COL14A1: variants seen among roughly 807,000 people sequenced by gnomAD.
The protein encoded by COL14A1 is collagen type XIV alpha 1 chain.
A neutral mutation model predicts 230.3 loss-of-function variants in COL14A1; 136 were observed. The ratio of observed to expected loss-of-function variants is 0.59; its 90% CI spans 0.51 to 0.68. The LOEUF is 0.68. COL14A1 is among the 30% of genes least tolerant of loss of function. The pLI is 0.00. For synonymous variants in COL14A1, 792 were observed against 784.1 expected (o/e 1.01, Z -0.17); for missense variants, 1,976 against 2,215.8 (o/e 0.89, Z 2.17).
chr8:120,229,262 TC>T (rs1455580703), intron 18 of COL14A1, among the ~76,000 whole-genome samples: 1 of 47,422 alleles, frequency 2.1e-5, no homozygotes, highest in Non-Finnish European at 3.7e-5. Context: ...CCCTCCCCCC[TC>T]CCCCCACCCC....
intron 25 of COL14A1, among the ~76,000 whole-genome samples, chr8:120,269,774 G>T (rs903612009): frequency 2.6e-5 from 4 of 151,718 alleles, no homozygotes; most frequent in Middle Eastern, 3.4e-3. Flanking sequence ...GGCTGTGGTT[G>T]GTGGACAGTT....
intron 1 of COL14A1, among the ~76,000 whole-genome samples, chr8:120,143,302 A>G (rs1290721661): frequency 6.6e-6 from 1 of 152,220 alleles, no homozygotes; most frequent in East Asian, 1.9e-4. Flanking sequence ...GACTGGGGGA[A>G]GTAGCATAAC....
At chr8:120,322,626 TGTAA>T (rs1432199277) in intron 40 of COL14A1, among the ~76,000 whole-genome samples, 2 of 152,218 alleles carry the variant, frequency 1.3e-5, no homozygotes, top group Non-Finnish European at 2.9e-5. Flanking sequence ...AGCTCCCACT[TGTAA>T]GTGAGAACAT....
In COL14A1 at chr8:120,250,766, T is replaced by C. The variant is rs1165128387; in HGVS notation, c.2752T>C (p.Leu918=). 3.1e-6 allele frequency: 5 copies of C among 1,613,568 alleles called. No individual in the cohort carries two copies. Among genetic ancestry groups the C allele is most frequent in the East Asian group, 2.2e-5 (1 of 44,892 alleles). ...CGCCCTGACAGGCATGGTGAAAACATGTAAGAGCCATTTCCGATGGCCTCA... is the reference window on the plus strand; with the variant it reads ...CGCCCTGACAGGCATGGTGAAAACACGTAAGAGCCATTTCCGATGGCCTCA... ...SDALTGMVKT[L]FLGVTNLQAK... is the part of the protein sequence containing the mutation. The change falls in exon 22 of 48, where the codon TTG becomes CTG. Residue 918 remains leucine (L), a splice_region_variant and synonymous_variant. Transcript: ENST00000297848.
Position 120,371,589 on chromosome 8 carries a change from G to A in COL14A1, c.*358G>A, listed in dbSNP as rs112348032. ...TGAACAAACAGATATGATTGTGTTT[G>A]AGGGAAATATGTCCCTAGCAGGAAA... is the stretch of plus-strand genomic sequence containing the variant. On this transcript the variant is annotated 3_prime_UTR_variant, in exon 48 of 48. Transcript: ENST00000297848. 6 of 398,330 alleles carry A rather than the reference G, an allele frequency of 1.5e-5. No homozygotes were observed. The highest frequency in any genetic ancestry group is 2.7e-5 in the Non-Finnish European group (6 of 225,846). 24.7% of individuals were successfully genotyped at this position (398,330 alleles called of 1,614,324 possible). A position where few individuals can be genotyped will look rare whatever the true frequency, so the allele number is the denominator to read the frequency against.
At chr8:120,196,747 GCT>G in intron 5 of COL14A1, 42 bp from the exon 6 acceptor site, 1 of 1,590,562 alleles carries the variant, frequency 6.3e-7, no homozygotes, top group South Asian at 1.1e-5. Flanking sequence ...TTTTGAAGTT[GCT>G]CTGACAGTAA....
At chr8:120,289,835 A>G in intron 34 of COL14A1, 69 bp downstream of exon 34, 1 of 1,482,154 alleles carries the variant, frequency 6.7e-7, no homozygotes, top group Non-Finnish European at 9.1e-7. Flanking sequence ...TACATTAGCT[A>G]TTTTCCAGGG....
intron 12 of COL14A1, among the ~76,000 whole-genome samples, chr8:120,211,651 C>T (rs1817618098): frequency 1.3e-5 from 2 of 152,080 alleles, no homozygotes; most frequent in African/African-American, 4.8e-5. Context: ...ATGGGTACAT[C>T]AGTGTGTATT....
chr8:120,263,544 T>C lies in COL14A1; in HGVS notation c.3016+530T>C, dbSNP rs1586815017. Among the ~76,000 whole-genome samples the C allele has an allele frequency of 2.0e-5, 3 of 152,302 alleles. No homozygotes were observed. In the South Asian group the frequency reaches 6.2e-4, roughly 32 times the overall value. Reference sequence around the variant, plus strand: ...AAATTAAAACAAAGCTCTTTTTACATGTTCCAAAGAGCAAGGAGAGTGTCA... The same window carrying C: ...AAATTAAAACAAAGCTCTTTTTACACGTTCCAAAGAGCAAGGAGAGTGTCA... On this transcript the variant is annotated intron_variant, in intron 24 of 47. Coordinates refer to ENST00000297848, the MANE Select transcript of COL14A1 (RefSeq NM_021110.4).
chr8:120,340,973 C>T (rs1036729924), intron 42 of COL14A1, among the ~76,000 whole-genome samples: 1 of 152,140 alleles, frequency 6.6e-6, no homozygotes, highest in South Asian at 2.1e-4. Context: ...TATGAAGGAT[C>T]CTCAGTAGAA....
intron 1 of COL14A1, among the ~76,000 whole-genome samples, chr8:120,134,726 G>C (rs1305674194): frequency 1.3e-5 from 2 of 152,176 alleles, no homozygotes; most frequent in African/African-American, 4.8e-5. Context: ...TGTAATCCCA[G>C]CACTTTGGGA....
chr8:120,177,242 C>G (rs763471221), intron 5 of COL14A1, among the ~76,000 whole-genome samples: 1 of 152,136 alleles, frequency 6.6e-6, no homozygotes, highest in Non-Finnish European at 1.5e-5. Flanking sequence ...GGAGAGTTTG[C>G]AATTCACAAT....
At chr8:120,354,301 T>G (rs1822895432) in intron 45 of COL14A1, among the ~76,000 whole-genome samples, 2 of 113,110 alleles carry the variant, frequency 1.8e-5, no homozygotes, top group South Asian at 3.3e-4. Flanking sequence ...AGATGACGAG[T>G]TAGTGGGTGC....
chr8:120,184,350 AT>A (rs1306968228), intron 5 of COL14A1, among the ~76,000 whole-genome samples: 2 of 151,390 alleles, frequency 1.3e-5, no homozygotes, highest in African/African-American at 4.9e-5. Flanking sequence ...TGCCTTCCAG[AT>A]TCAAGAGATC....
rs1255007073 is a variant in COL14A1 at position 120,216,387 on chromosome 8, A to G, written c.1634A>G (p.Asn545Ser). The stretch of plus-strand genomic sequence containing the variant: ...CCACCAAGAAACCTGAGAATCTCCA[A>G]TGTTGGCTCTAACAGTGCTCGATTA... ...LSPPRNLRIS[N>S]VGSNSARLTW... is the part of the protein sequence containing the mutation. The change falls in exon 14 of 48, where the codon AAT becomes AGT. Residue 545 changes from asparagine (N) to serine (S), a missense_variant. Asn to Ser is a conservative substitution (Grantham distance 46). Transcript: ENST00000297848. 6.2e-7 allele frequency: 1 copy of G among 1,613,586 alleles called. No individual in the cohort carries two copies. The highest frequency in any genetic ancestry group is 1.3e-5 in the African/African-American group (1 of 74,980).
chr8:120,203,985 C>T (rs1444235818), intron 9 of COL14A1, 115 bp downstream of exon 9: 9 of 986,876 alleles, frequency 9.1e-6, no homozygotes, highest in Admixed American at 7.7e-5. Context: ...ACCCCTTATT[C>T]CCCTAAGACC....
intron 17 of COL14A1, 61 bp from the exon 18 acceptor site, chr8:120,228,649 C>G: frequency 7.9e-7 from 1 of 1,272,992 alleles, no homozygotes; most frequent in Non-Finnish European, 1.1e-6. Flanking sequence ...AAAGCTACAA[C>G]ATGCTATAGA....
intron 37 of COL14A1, among the ~76,000 whole-genome samples, chr8:120,312,252 C>T (rs1821068013): frequency 6.6e-6 from 1 of 152,064 alleles, no homozygotes; most frequent in Admixed American, 6.6e-5. Context: ...TCCTCTTATG[C>T]CATGCTCCTT....
intron 45 of COL14A1, among the ~76,000 whole-genome samples, chr8:120,346,469 G>A (rs1822515020): frequency 6.6e-6 from 1 of 152,170 alleles, no homozygotes; most frequent in Admixed American, 6.5e-5. Flanking sequence ...TCTGCTCTGT[G>A]AGGCATATTA....
Sources: allele counts gnomAD v4.1 joint callset (sites outside exome capture counted in the v4.1 genomes callset), GRCh38; gene constraint gnomAD v4.1.1; transcripts MANE v1.5; gene names NCBI Gene and HGNC (gene_info 2026-07-23, HGNC 2026-07-21).